Variants in SRL observed in about 807,000 individuals in gnomAD.
The protein encoded by SRL is sarcalumenin.
A neutral mutation model predicts 39.5 loss-of-function variants in SRL; 23 were observed. The observed-to-expected ratio is 0.58, with a 90% CI of 0.42 to 0.82. The LOEUF (loss-of-function observed/expected upper bound fraction) is 0.82, where lower values mean the gene tolerates loss of function less well. Ranked by LOEUF, SRL falls within the 40% of genes least tolerant of loss-of-function variation. The pLI is 0.00. For missense variants in SRL, 592 were observed against 607.8 expected (o/e 0.97, Z 0.27); for synonymous variants, 272 against 237.4 (o/e 1.15, Z -1.34).
chr16:4,220,918 C>A (rs374994416), intron 1 of SRL, among the ~76,000 whole-genome samples: 2 of 151,904 alleles, frequency 1.3e-5, no homozygotes, highest in East Asian at 3.9e-4. Context: ...CCCAGGAGTT[C>A]TAGGCTGCAG....
chr16:4,216,869 T>A (rs2052467061), intron 1 of SRL, among the ~76,000 whole-genome samples: 1 of 152,058 alleles, frequency 6.6e-6, no homozygotes, highest in African/African-American at 2.4e-5. Context: ...AGAAATCCAA[T>A]CTCCCTGGGA....
At chr16:4,219,843 C>G (rs902116555) in intron 1 of SRL, among the ~76,000 whole-genome samples, 3 of 152,012 alleles carry the variant, frequency 2.0e-5, no homozygotes, top group African/African-American at 7.2e-5. Context: ...CTGGCGTCAG[C>G]AGAGGCATGC....
intron 5 of SRL, among the ~76,000 whole-genome samples, 197 bp downstream of exon 5, chr16:4,195,356 C>T (rs2052121713): frequency 6.6e-6 from 1 of 152,132 alleles, no homozygotes; most frequent in African/African-American, 2.4e-5. Context: ...GCGAACATGC[C>T]TGGCTATTGT....
chr16:4,211,480 G>A (rs565250293), intron 1 of SRL, among the ~76,000 whole-genome samples: 1 of 150,104 alleles, frequency 6.7e-6, no homozygotes, highest in East Asian at 1.9e-4. Context: ...TGATGATGGT[G>A]ATGGTGATGA....
At chr16:4,203,494 C>G (rs1189988988) in intron 2 of SRL, among the ~76,000 whole-genome samples, 1 of 152,134 alleles carries the variant, frequency 6.6e-6, no homozygotes, top group Non-Finnish European at 1.5e-5. Flanking sequence ...CCCAAAGCTT[C>G]CTGAACTGTT....
intron 1 of SRL, among the ~76,000 whole-genome samples, chr16:4,241,479 A>G (rs994947682): frequency 5.9e-5 from 9 of 152,050 alleles, no homozygotes; most frequent in African/African-American, 2.2e-4. Flanking sequence ...CGCCAACTCT[A>G]TTTCCGATCT....
rs749511268 is a variant in SRL at position 4,192,942 on chromosome 16, G to A, written c.633C>T (p.Cys211=). 3.3e-5 allele frequency: 53 copies of A among 1,611,724 alleles called. No individual in the cohort carries two copies. Among genetic ancestry groups the A allele is most frequent in the Non-Finnish European group, 4.2e-5 (50 of 1,179,038 alleles). Residue 211 remains cysteine, a synonymous_variant, in exon 6 of 6, where the codon TGC becomes TGT. Transcript: ENST00000399609. This position sits in a 1 kb window ranked among gnomAD's most constrained non-coding sequence, Gnocchi z 4.0. ...QERGYPFNDV[C]QWFIDRADLI... The stretch of plus-strand genomic sequence containing the variant: ...GGTCAGCTCTGTCGATGAACCACTG[G>A]CACACGTCGTTGAAGGGGTAGCCTT...
At position 4,192,311 on chromosome 16, in the gene SRL, A is replaced by G. The variant is rs2052077357; in HGVS notation, c.1264T>C (p.Tyr422His). The G allele has an allele frequency of 6.2e-7, 1 of 1,614,058 alleles. No individual in the cohort carries two copies. The highest frequency in any genetic ancestry group is 1.7e-5 in the Admixed American group (1 of 60,000). Residue 422 changes from tyrosine (Y) to histidine (H), a missense_variant, in exon 6 of 6, where the codon TAC becomes CAC. Coordinates refer to ENST00000399609, the MANE Select transcript of SRL (RefSeq NM_001098814.2). The surrounding 1 kb of genome is among the most constrained non-coding windows in gnomAD (Gnocchi z 4.0). ...SFKLLSQQCS[Y>H]MGGCFLEKIE... Reference sequence around the variant, plus strand: ...TTCTCCAGAAAGCAACCTCCCATGTAGGAGCACTGCTGGGAGAGCAGTTTG... The same window carrying G: ...TTCTCCAGAAAGCAACCTCCCATGTGGGAGCACTGCTGGGAGAGCAGTTTG...
At chr16:4,222,833 C>T (rs1165928211) in intron 1 of SRL, among the ~76,000 whole-genome samples, 1 of 152,168 alleles carries the variant, frequency 6.6e-6, no homozygotes, top group African/African-American at 2.4e-5. Context: ...GTGGCTCACG[C>T]CTAGAATCCC....
chr16:4,210,790 T>C (rs7197155), intron 1 of SRL, among the ~76,000 whole-genome samples: 84,634 of 151,902 alleles, frequency 0.56, 24,581 homozygotes, highest in African/African-American at 0.71. Flanking sequence ...GCCTCATATC[T>C]CTATTTTTAC....
At chr16:4,236,123 G>T (rs1039783534) in intron 1 of SRL, among the ~76,000 whole-genome samples, 4 of 152,170 alleles carry the variant, frequency 2.6e-5, no homozygotes, top group Non-Finnish European at 5.9e-5. Flanking sequence ...CTCTACCTCA[G>T]TAAACCCATC....
At chr16:4,193,148 A>T (rs1018803290) in intron 5 of SRL, among the ~76,000 whole-genome samples, 184 bp from the exon 6 acceptor site, 1 of 152,194 alleles carries the variant, frequency 6.6e-6, no homozygotes, top group Non-Finnish European at 1.5e-5. Context: ...TTCAACCAAG[A>T]ACAGCCTGAT....
At chr16:4,228,644 A>T (rs890673599) in intron 1 of SRL, among the ~76,000 whole-genome samples, 1 of 152,174 alleles carries the variant, frequency 6.6e-6, no homozygotes, top group African/African-American at 2.4e-5. Context: ...TTGAGGCAGG[A>T]GAATGGAGTG....
At chr16:4,211,080 A>C (rs567974965) in intron 1 of SRL, among the ~76,000 whole-genome samples, 1 of 152,206 alleles carries the variant, frequency 6.6e-6, no homozygotes, top group African/African-American at 2.4e-5. Flanking sequence ...GCATATTGAA[A>C]TCACCTGCTT....
At chr16:4,241,539 A>C (rs2052773196) in intron 1 of SRL, among the ~76,000 whole-genome samples, 1 of 152,110 alleles carries the variant, frequency 6.6e-6, no homozygotes, top group Non-Finnish European at 1.5e-5. Flanking sequence ...AACGGTCCCC[A>C]CCTTTGCCCA....
intron 4 of SRL, among the ~76,000 whole-genome samples, chr16:4,197,076 T>TC: frequency 1.1e-5 from 1 of 93,344 alleles, no homozygotes; most frequent in African/African-American, 4.1e-5. Flanking sequence ...TTTTTTTTTT[T>TC]TTTTTTTTGT....
At chr16:4,238,463 G>T (rs1249652365) in intron 1 of SRL, among the ~76,000 whole-genome samples, 1 of 152,150 alleles carries the variant, frequency 6.6e-6, no homozygotes, top group Non-Finnish European at 1.5e-5. Context: ...TCCCTCTGGG[G>T]GATAAGCGGG....
At chr16:4,210,904 A>T (rs1169104887) in intron 1 of SRL, among the ~76,000 whole-genome samples, 1 of 152,108 alleles carries the variant, frequency 6.6e-6, no homozygotes, top group East Asian at 1.9e-4. Context: ...ATCCCCCGGG[A>T]GCCTGTTAGA....
rs2052072400 is a variant in SRL at position 4,192,085 on chromosome 16, C to G, written c.*68G>C. 1 of 1,475,658 alleles carries G rather than the reference C, an allele frequency of 6.8e-7. No homozygotes were observed. The highest frequency in any genetic ancestry group is 9.1e-7 in the Non-Finnish European group (1 of 1,097,188). 91.4% of individuals were successfully genotyped at this position (1,475,658 alleles called of 1,614,324 possible). A position where few individuals can be genotyped will look rare whatever the true frequency, so the allele number is the denominator to read the frequency against. The stretch of plus-strand genomic sequence containing the variant: ...CAGTGTGGCTCAAAGGGTTAATAAA[C>G]CAGGACCTCTCAGACAGTTAGGACA... On this transcript the variant is annotated 3_prime_UTR_variant, in exon 6 of 6. Coordinates refer to ENST00000399609, the MANE Select transcript of SRL (RefSeq NM_001098814.2). This position sits in a 1 kb window ranked among gnomAD's most constrained non-coding sequence, Gnocchi z 4.0.
Sources: gnomAD v4.1 joint callset for allele counts (sites outside exome capture counted in the v4.1 genomes callset) on GRCh38, gnomAD v4.1.1 for gene constraint, Gnocchi (gnomAD v3.1) non-coding constraint, MANE v1.5 for transcripts, NCBI Gene and HGNC (gene_info 2026-07-23, HGNC 2026-07-21) for gene names.